Variants in PJA2 observed in about 807,000 individuals in gnomAD.
PJA2 encodes the protein praja ring finger ubiquitin ligase 2.
Under a neutral mutation model 69.3 loss-of-function variants are expected in PJA2, and 25 were observed. That is an observed-to-expected ratio of 0.36 (90% CI 0.26 to 0.50). The LOEUF is 0.50. Among genes scored for constraint, PJA2 ranks in the 20% least tolerant of loss-of-function variants. PJA2 has a pLI of 0.96. For synonymous variants in PJA2, 308 were observed against 277.8 expected, an observed-to-expected ratio of 1.11 and a Z score of -1.08; for missense variants, 809 against 830.2, an observed-to-expected ratio of 0.97 and a Z score of 0.31.
chr5:109,341,936 G>A (rs1230387432), intron 9 of PJA2, among the ~76,000 whole-genome samples: 72 of 112,122 alleles, frequency 6.4e-4, no homozygotes, highest in African/African-American at 2.3e-3. Flanking sequence ...GCCTCTGCCC[G>A]GCCGCCCCTA....
rs561244825 is a variant in PJA2 at position 109,340,332 on chromosome 5, T to C, written c.2002-2976A>G. Among the ~76,000 whole-genome samples the C allele has an allele frequency of 1.4e-4, 21 of 151,926 alleles. No homozygotes were observed. In the South Asian group the frequency reaches 3.8e-3, roughly 27 times the overall value. ...GATTTCAGAGATTTTAAGTGGAATTTTGAGAAGAACAAAGTGGCAAATAGA... is the reference window on the plus strand; with the variant it reads ...GATTTCAGAGATTTTAAGTGGAATTCTGAGAAGAACAAAGTGGCAAATAGA... On this transcript the variant is annotated intron_variant, in intron 9 of 9. Coordinates refer to ENST00000361189, the MANE Select transcript of PJA2 (RefSeq NM_014819.5).
chr5:109,334,993 A>T lies in PJA2; in HGVS notation c.*2238T>A, dbSNP rs1761913510. 6.6e-6 allele frequency: 1 copy of T among 152,624 alleles called. No homozygotes were observed. Among genetic ancestry groups the T allele is most frequent in the South Asian group, 2.1e-4 (1 of 4,838 alleles). 9.5% of individuals were successfully genotyped at this position (152,624 alleles called of 1,614,324 possible). A position where few individuals can be genotyped will look rare whatever the true frequency, so the allele number is the denominator to read the frequency against. On this transcript the variant is annotated 3_prime_UTR_variant, in exon 10 of 10. Transcript: ENST00000361189. ...GAAATAAGAAAATGTTAAAAAAATA[A>T]AATTAGGTTAAGTCACAACATAAAA...
chr5:109,383,539 T>C lies in PJA2; in HGVS notation c.-87-19A>G, dbSNP rs995756112. On this transcript the variant is annotated intron_variant, in intron 1 of 9. Transcript: ENST00000361189. ...AAGATTCCTACAAAGAAACAATGAA[T>C]TGAACAATATATTAATAAAAGCACA... 3 of 875,894 alleles carry C rather than the reference T, an allele frequency of 3.4e-6. No individual in the cohort carries two copies. The highest frequency in any genetic ancestry group is 1.7e-5 in the South Asian group (1 of 59,908). 54.3% of individuals were successfully genotyped at this position (875,894 alleles called of 1,614,324 possible). A position where few individuals can be genotyped will look rare whatever the true frequency, so the allele number is the denominator to read the frequency against.
intron 7 of PJA2, among the ~76,000 whole-genome samples, chr5:109,345,068 C>T (rs766979823): frequency 2.0e-5 from 3 of 150,566 alleles, no homozygotes; most frequent in Non-Finnish European, 4.4e-5. Context: ...CTCGGCCGGG[C>T]GCAATGGCTC....
At chr5:109,338,948 G>A (rs1761993308) in intron 9 of PJA2, among the ~76,000 whole-genome samples, 1 of 152,144 alleles carries the variant, frequency 6.6e-6, no homozygotes, top group Non-Finnish European at 1.5e-5. Flanking sequence ...AGCTATCATG[G>A]GAATTTAAAG....
At chr5:109,340,616 GTCCCTC>G (rs1762025712) in intron 9 of PJA2, among the ~76,000 whole-genome samples, 1 of 10,426 alleles carries the variant, frequency 9.6e-5, no homozygotes. Context: ...GATTTATTGG[GTCCCTC>G]CCCCTCCCCC....
At chr5:109,397,924 T>C (rs1026088510) in intron 1 of PJA2, among the ~76,000 whole-genome samples, 18 of 151,902 alleles carry the variant, frequency 1.2e-4, no homozygotes, top group African/African-American at 4.1e-4. Context: ...AGGGCTAATA[T>C]CCAGAATCTA....
intron 1 of PJA2, among the ~76,000 whole-genome samples, chr5:109,398,523 T>C (rs1001241036): frequency 2.1e-4 from 32 of 151,204 alleles, no homozygotes; most frequent in African/African-American, 6.3e-4. Context: ...CAGCAAACTA[T>C]TGCAAGGACA....
intron 6 of PJA2, among the ~76,000 whole-genome samples, chr5:109,356,947 TC>T (rs921351292): frequency 6.6e-6 from 1 of 152,168 alleles, no homozygotes; most frequent in Non-Finnish European, 1.5e-5. Flanking sequence ...TTCCTCCTTT[TC>T]CTCTAGTCTT....
At chr5:109,393,391 A>G (rs1747324082) in intron 1 of PJA2, among the ~76,000 whole-genome samples, 1 of 152,372 alleles carries the variant, frequency 6.6e-6, no homozygotes, top group African/African-American at 2.4e-5. Flanking sequence ...GTAAATATAC[A>G]TCTCTGCATT....
At chr5:109,338,326 A>G (rs758736253) in intron 9 of PJA2, among the ~76,000 whole-genome samples, 7 of 152,092 alleles carry the variant, frequency 4.6e-5, no homozygotes, top group Non-Finnish European at 8.8e-5. Context: ...TGTACAACAT[A>G]TATTACGTTT....
intron 9 of PJA2, among the ~76,000 whole-genome samples, chr5:109,337,843 C>T (rs749068832): frequency 9.2e-5 from 14 of 151,976 alleles, no homozygotes; most frequent in Non-Finnish European, 1.9e-4. Flanking sequence ...GATGAATTAA[C>T]GTAGGTCGAT....
chr5:109,344,907 A>C, intron 7 of PJA2, 88 bp from the exon 8 acceptor site: 9 of 766,082 alleles, frequency 1.2e-5, no homozygotes, highest in East Asian at 2.6e-5. Context: ...AAATTATATC[A>C]CCATTATTCT....
At chr5:109,385,886 C>T (rs956347927) in intron 1 of PJA2, among the ~76,000 whole-genome samples, 2 of 152,108 alleles carry the variant, frequency 1.3e-5, no homozygotes, top group African/African-American at 4.8e-5. Flanking sequence ...CACTTGTTTC[C>T]TACACATCTT....
chr5:109,351,993 G>T (rs1762261990), intron 7 of PJA2, among the ~76,000 whole-genome samples: 1 of 152,092 alleles, frequency 6.6e-6, no homozygotes, highest in Non-Finnish European at 1.5e-5. Flanking sequence ...GATTTTCTAG[G>T]AGTGAAACAT....
chr5:109,371,952 A>G (rs185190088), intron 4 of PJA2, among the ~76,000 whole-genome samples: 2 of 152,366 alleles, frequency 1.3e-5, no homozygotes, highest in East Asian at 3.9e-4. Flanking sequence ...GGTTCATGTA[A>G]AGGGTAAGTG....
At chr5:109,374,284 C>G (rs1762722638) in intron 4 of PJA2, among the ~76,000 whole-genome samples, 1 of 152,180 alleles carries the variant, frequency 6.6e-6, no homozygotes, top group Admixed American at 6.5e-5. Flanking sequence ...TGTGCTCCTT[C>G]CAAACTTCTA....
intron 4 of PJA2, among the ~76,000 whole-genome samples, chr5:109,373,495 G>A (rs1278255039): frequency 6.6e-6 from 1 of 152,048 alleles, no homozygotes; most frequent in African/African-American, 2.4e-5. Context: ...AATAAGAAAC[G>A]AAGCTAACCA....
intron 3 of PJA2, among the ~76,000 whole-genome samples, chr5:109,380,718 C>A (rs1747023095): frequency 6.7e-6 from 1 of 149,212 alleles, no homozygotes; most frequent in African/African-American, 2.5e-5. Context: ...GGCAGGAGAA[C>A]CACTTGAACC....
Sources: gnomAD v4.1 joint callset for allele counts (sites outside exome capture counted in the v4.1 genomes callset) on GRCh38, gnomAD v4.1.1 for gene constraint, MANE v1.5 for transcripts, NCBI Gene and HGNC (gene_info 2026-07-23, HGNC 2026-07-21) for gene names.